IQCM: variants seen among roughly 807,000 people sequenced by gnomAD.
IQCM encodes IQ motif containing M, also known as IQ domain-containing protein M.
In IQCM, 45 loss-of-function variants were observed where a neutral mutation model predicts 57.6. The observed-to-expected ratio is 0.78, with a 90% CI of 0.62 to 1.00. The LOEUF is 1.00. Ranked by LOEUF, IQCM falls within the 50% of genes least tolerant of loss-of-function variation. The pLI is 0.00. For missense variants in IQCM, 468 were observed against 511.6 expected (o/e 0.91, Z 0.82); for synonymous variants, 148 against 158.9 (o/e 0.93, Z 0.51).
At chr4:149,420,608 T>A (rs1255053165) in intron 13 of IQCM, among the ~76,000 whole-genome samples, 2 of 151,986 alleles carry the variant, frequency 1.3e-5, no homozygotes, top group African/African-American at 4.8e-5. Flanking sequence ...AACCTGCACA[T>A]CCTGCACATG....
intron 2 of IQCM, among the ~76,000 whole-genome samples, chr4:149,801,194 C>A (rs918788495): frequency 1.3e-5 from 2 of 151,892 alleles, no homozygotes; most frequent in Non-Finnish European, 2.9e-5. Flanking sequence ...GAGATCATCT[C>A]ACCCCAACAA....
intron 4 of IQCM, among the ~76,000 whole-genome samples, chr4:149,734,078 G>A (rs2149890364): frequency 6.6e-6 from 1 of 151,818 alleles, no homozygotes; most frequent in East Asian, 1.9e-4. Context: ...AAATAATACA[G>A]CTCCAGGTCT....
intron 5 of IQCM, among the ~76,000 whole-genome samples, chr4:149,696,083 G>A (rs1763312984): frequency 6.6e-6 from 1 of 152,072 alleles, no homozygotes; most frequent in African/African-American, 2.4e-5. Flanking sequence ...ATAACAAAAT[G>A]TTTAGACTGG....
intron 11 of IQCM, among the ~76,000 whole-genome samples, chr4:149,549,334 T>C (rs1748782961): frequency 1.3e-5 from 2 of 151,646 alleles, no homozygotes; most frequent in Admixed American, 6.6e-5. Flanking sequence ...GCTAAAACGG[T>C]GAAACCCCGT....
chr4:149,555,275 A>G (rs1469103001), intron 10 of IQCM, among the ~76,000 whole-genome samples: 3 of 152,136 alleles, frequency 2.0e-5, no homozygotes, highest in Admixed American at 6.5e-5. Flanking sequence ...CACATTCCCT[A>G]CATATGAATC....
chr4:149,586,035 G>T (rs189302218), intron 9 of IQCM, among the ~76,000 whole-genome samples: 10 of 151,712 alleles, frequency 6.6e-5, no homozygotes, highest in East Asian at 3.9e-4. Flanking sequence ...AACATTCATC[G>T]TGGAGGCTGT....
At chr4:149,567,242 ACTT>A (rs543963966) in intron 9 of IQCM, among the ~76,000 whole-genome samples, 5 of 152,024 alleles carry the variant, frequency 3.3e-5, no homozygotes, top group Non-Finnish European at 5.9e-5. Context: ...CGTCTCTGTT[ACTT>A]CTTTTTTACT....
chr4:149,550,713 A>C (rs1346129502), intron 11 of IQCM, among the ~76,000 whole-genome samples: 1 of 152,230 alleles, frequency 6.6e-6, no homozygotes, highest in Non-Finnish European at 1.5e-5. Flanking sequence ...AAAAGTGTAT[A>C]GGTAACTGCC....
At chr4:149,460,751 G>A (rs1333783051) in intron 12 of IQCM, among the ~76,000 whole-genome samples, 1 of 152,144 alleles carries the variant, frequency 6.6e-6, no homozygotes, top group African/African-American at 2.4e-5. Flanking sequence ...AAGCTGTAAT[G>A]CTTTTTAATA....
At chr4:149,724,958 A>G (rs529063601) in intron 5 of IQCM, among the ~76,000 whole-genome samples, 1 of 152,226 alleles carries the variant, frequency 6.6e-6, no homozygotes, top group Non-Finnish European at 1.5e-5. Flanking sequence ...AGATTCATAA[A>G]TTATCAGCAG....
chr4:149,389,161 G>A (rs1285499517), intron 13 of IQCM, among the ~76,000 whole-genome samples: 1 of 151,784 alleles, frequency 6.6e-6, no homozygotes, highest in Non-Finnish European at 1.5e-5. Context: ...GCCAATTTTT[G>A]TGTATGTAAT....
chr4:149,358,874 A>ATCATAATATACTC (rs1729238933), intron 13 of IQCM, among the ~76,000 whole-genome samples: 1 of 152,104 alleles, frequency 6.6e-6, no homozygotes. Context: ...TCATGAGTAT[A>ATCATAATATACTC]TCATGAGACC....
At chr4:149,585,173 A>C (rs1481712097) in intron 9 of IQCM, among the ~76,000 whole-genome samples, 1 of 151,756 alleles carries the variant, frequency 6.6e-6, no homozygotes, top group Non-Finnish European at 1.5e-5. Context: ...TATGTGTGAC[A>C]TATTTTTACC....
rs564567614 is a variant in IQCM at position 149,743,603 on chromosome 4, T to G, written c.-48-864A>C. Among the ~76,000 whole-genome samples, 102 of 152,194 alleles carry G rather than the reference T, an allele frequency of 6.7e-4. No individual in the cohort carries two copies. The South Asian group carries it at 0.02, about 30-fold the overall frequency. ...GGAGTTTTTAAATATATGTCTAGAG[T>G]GGGACCTAGGCATCTGGCATTTTTG... On this transcript the variant is annotated intron_variant, in intron 2 of 13. Transcript: ENST00000636793.
At chr4:149,526,835 TTTG>T (rs1399952805) in intron 12 of IQCM, among the ~76,000 whole-genome samples, 1 of 152,162 alleles carries the variant, frequency 6.6e-6, no homozygotes. Context: ...TAATTTTTAT[TTTG>T]TTGTTGTTTC....
At chr4:149,697,077 G>T (rs192320687) in intron 5 of IQCM, among the ~76,000 whole-genome samples, 1 of 152,010 alleles carries the variant, frequency 6.6e-6, no homozygotes. Flanking sequence ...CATAACATTC[G>T]TCTTTAAATC....
chr4:149,567,409 C>T (rs919631028), intron 9 of IQCM, among the ~76,000 whole-genome samples: 13 of 151,930 alleles, frequency 8.6e-5, no homozygotes, highest in African/African-American at 2.7e-4. Flanking sequence ...TGCAGCAGTG[C>T]GATCTACTCT....
intron 13 of IQCM, among the ~76,000 whole-genome samples, chr4:149,422,284 G>A (rs1354952826): frequency 2.0e-5 from 3 of 151,780 alleles, no homozygotes; most frequent in African/African-American, 7.2e-5. Context: ...AGATTTGAGG[G>A]GCCAAAAATG....
At chr4:149,771,528 A>G (rs1561256177) in intron 2 of IQCM, among the ~76,000 whole-genome samples, 1 of 152,104 alleles carries the variant, frequency 6.6e-6, no homozygotes, top group Non-Finnish European at 1.5e-5. Flanking sequence ...TCTATCTGGG[A>G]AAGACTTAAA....
Sources: allele counts gnomAD v4.1 joint callset (sites outside exome capture counted in the v4.1 genomes callset), GRCh38; gene constraint gnomAD v4.1.1; transcripts MANE v1.5; gene names NCBI Gene and HGNC (gene_info 2026-07-23, HGNC 2026-07-21).